Variants in OPA1 observed in about 807,000 individuals in gnomAD.
The protein encoded by OPA1 is dynamin-like GTPase OPA1, mitochondrial.
OPA1 carries 59 observed loss-of-function variants against 152.9 expected under a neutral mutation model. The ratio of observed to expected loss-of-function variants is 0.39; its 90% CI spans 0.31 to 0.48. The LOEUF is 0.48. Among genes scored for constraint, OPA1 ranks in the 20% least tolerant of loss-of-function variants. The probability of loss-of-function intolerance (pLI) is 0.96; values close to 1 mark genes in which losing one functional copy is unlikely to be tolerated. For missense variants in OPA1, 1,008 were observed against 1,216.8 expected (o/e 0.83, Z 2.55); for synonymous variants, 400 against 389.9 (o/e 1.03, Z -0.31).
At position 193,622,212 on chromosome 3, in the gene OPA1, A is replaced by T. The variant is rs928935960; in HGVS notation, c.678+3276A>T. ...ATACATTAATGTTCTTTCTTGCAAC[A>T]TATTACTCTCATTCTTTTTTTTTTT... On this transcript the variant is annotated intron_variant, in intron 6 of 30. Transcript: ENST00000361510. 7.4e-5 allele frequency among the ~76,000 whole-genome samples: 11 copies of T among 147,808 alleles called. No homozygotes were observed. In the South Asian group the frequency reaches 2.3e-3, roughly 32 times the overall value.
chr3:193,674,284 TG>T (rs1342032820), intron 29 of OPA1, among the ~76,000 whole-genome samples: 1 of 152,232 alleles, frequency 6.6e-6, no homozygotes, highest in Non-Finnish European at 1.5e-5. Flanking sequence ...TAGGTCTGCA[TG>T]AGATTCTAAA....
intron 23 of OPA1, among the ~76,000 whole-genome samples, chr3:193,658,256 AAAAAAAAAG>A (rs1457743577): frequency 7.2e-6 from 1 of 138,348 alleles, no homozygotes; most frequent in Admixed American, 6.9e-5. Context: ...CAAAAAAAAA[AAAAAAAAAG>A]AAAGAAAACC....
rs530262844 is a variant in OPA1, at chr3:193,623,722, G to C, written c.679-2370G>C. Among the ~76,000 whole-genome samples, 28 of 152,106 alleles carry C rather than the reference G, an allele frequency of 1.8e-4. No individual in the cohort carries two copies. In the Middle Eastern group the frequency reaches 0.02, roughly 111 times the overall value. On this transcript the variant is annotated intron_variant, in intron 6 of 30. Transcript: ENST00000361510. ...CTTGAAAGAAAAATGTCTAAGCTTGGGAAAATATTTATTGAAAAATGTGGT... is the reference window on the plus strand; with the variant it reads ...CTTGAAAGAAAAATGTCTAAGCTTGCGAAAATATTTATTGAAAAATGTGGT...
In OPA1 at chr3:193,663,035, TGTTA is replaced by T. The variant is rs1446103324; in HGVS notation, c.2661+79_2661+82del. On this transcript the variant is annotated intron_variant, in intron 26 of 30. Coordinates refer to ENST00000361510, the MANE Select transcript of OPA1 (RefSeq NM_130837.3). ...TTCTTGCAGTAAATGTTACTACATG[TGTTA>T]GTTAGATATTTAAGTGCTTAATTTG... 3.4e-5 allele frequency: 50 copies of T among 1,450,116 alleles called. No homozygotes were observed. In the South Asian group the frequency reaches 4.3e-4, roughly 12 times the overall value. The allele number at this position is 1,450,116 out of a possible 1,614,324, so 89.8% of individuals were successfully genotyped here.
At position 193,697,513 on chromosome 3, in the gene OPA1, A is replaced by T. The variant is rs1722352842; in HGVS notation, c.*2913A>T. ...CATTTGTGTAGATGAGTAATTAAAA[A>T]ATATTTAAATCACATTATAATTCTA... is the stretch of plus-strand genomic sequence containing the variant. On this transcript the variant is annotated 3_prime_UTR_variant, in exon 31 of 31. Coordinates refer to ENST00000361510, the MANE Select transcript of OPA1 (RefSeq NM_130837.3). The T allele has an allele frequency of 6.6e-6, 1 of 152,162 alleles. No homozygotes were observed. The highest frequency in any genetic ancestry group is 2.4e-5 in the African/African-American group (1 of 41,428). The allele number at this position is 152,162 out of a possible 1,614,324, so 9.4% of individuals were successfully genotyped here.
intron 10 of OPA1, among the ~76,000 whole-genome samples, chr3:193,637,670 T>C (rs1285703716): frequency 6.6e-6 from 1 of 152,190 alleles, no homozygotes; most frequent in Non-Finnish European, 1.5e-5. Context: ...GGAAAAGATT[T>C]ATGGAAAGTT....
chr3:193,665,667 T>C lies in OPA1; in HGVS notation c.2779-629T>C, dbSNP rs536928462. 2.6e-5 allele frequency among the ~76,000 whole-genome samples: 4 copies of C among 152,286 alleles called. No individual in the cohort carries two copies. The South Asian group carries it at 8.3e-4, about 32-fold the overall frequency. ...TCAGTTAATCAACAATCTTATTTAA[T>C]TGAGACTTCTAACATGCTGTTCTTT... On this transcript the variant is annotated intron_variant, in intron 27 of 30. Coordinates refer to ENST00000361510, the MANE Select transcript of OPA1 (RefSeq NM_130837.3).
intron 29 of OPA1, chr3:193,668,871 C>T: frequency 9.5e-7 from 1 of 1,056,188 alleles, no homozygotes; most frequent in Non-Finnish European, 1.2e-6. Flanking sequence ...TCTTTGAGAA[C>T]TCAAGGAAAT....
chr3:193,669,033 G>A (rs988513727), intron 29 of OPA1: 18 of 234,154 alleles, frequency 7.7e-5, no homozygotes, highest in African/African-American at 4.0e-4. Context: ...TGTCTTATTA[G>A]TTTTCTGATA....
At chr3:193,660,081 C>T (rs186038994) in intron 25 of OPA1, among the ~76,000 whole-genome samples, 148 of 151,908 alleles carry the variant, frequency 9.7e-4, no homozygotes, top group South Asian at 5.6e-3. Flanking sequence ...CCTGGGAGAT[C>T]GAAGCTGCAG....
At chr3:193,657,623 A>G (rs1156969900) in intron 23 of OPA1, among the ~76,000 whole-genome samples, 2 of 152,226 alleles carry the variant, frequency 1.3e-5, no homozygotes, top group Admixed American at 6.5e-5. Flanking sequence ...GCCTAAAATC[A>G]TAACACCAGC....
intron 29 of OPA1, chr3:193,689,234 G>T (rs914368726): frequency 6.6e-6 from 1 of 152,132 alleles, no homozygotes; most frequent in African/African-American, 2.4e-5. Flanking sequence ...AAAGAACAAA[G>T]AAATAAATGT....
chr3:193,685,677 T>C (rs888852896), intron 29 of OPA1, among the ~76,000 whole-genome samples: 2 of 152,180 alleles, frequency 1.3e-5, no homozygotes, highest in African/African-American at 4.8e-5. Flanking sequence ...CCAAAATGAA[T>C]TATGAAGCCC....
At chr3:193,609,105 G>A (rs371295139) in intron 1 of OPA1, among the ~76,000 whole-genome samples, 9 of 152,124 alleles carry the variant, frequency 5.9e-5, no homozygotes, top group South Asian at 2.1e-4. Context: ...GACTCTGCAC[G>A]TGAGATGGGT....
At chr3:193,684,231 A>T (rs541266505) in intron 29 of OPA1, among the ~76,000 whole-genome samples, 24 of 152,296 alleles carry the variant, frequency 1.6e-4, no homozygotes, top group African/African-American at 5.8e-4. Context: ...GTTCTAGGGA[A>T]AATATGATGC....
Position 193,635,539 on chromosome 3 carries a change from T to A in OPA1, c.948+17T>A, listed in dbSNP as rs1453897981. 6 of 1,470,466 alleles carry A rather than the reference T, an allele frequency of 4.1e-6. No homozygotes were observed. The highest frequency in any genetic ancestry group is 2.3e-5 in the South Asian group (2 of 88,258). The allele number at this position is 1,470,466 out of a possible 1,614,324, so 91.1% of individuals were successfully genotyped here. On this transcript the variant is annotated intron_variant, in intron 9 of 30. Coordinates refer to ENST00000361510, the MANE Select transcript of OPA1 (RefSeq NM_130837.3). The stretch of plus-strand genomic sequence containing the variant: ...AAGCTTAAGGTATTCTAAGTTTGTC[T>A]TGTTTATTCTCAAAATTTTACCGCT...
At chr3:193,671,701 AT>A (rs1442509975) in intron 29 of OPA1, among the ~76,000 whole-genome samples, 2 of 152,254 alleles carry the variant, frequency 1.3e-5, no homozygotes, top group Non-Finnish European at 2.9e-5. Context: ...CAGGAGAAAT[AT>A]GATCTTTGTA....
chr3:193,603,429 C>T (rs896692035), intron 1 of OPA1: 3 of 152,200 alleles, frequency 2.0e-5, no homozygotes, highest in African/African-American at 7.2e-5. Context: ...TAAAGCATTT[C>T]ACTGATATTT....
intron 28 of OPA1, 86 bp downstream of exon 28, chr3:193,666,475 A>G: frequency 1.8e-6 from 2 of 1,087,796 alleles, no homozygotes; most frequent in Non-Finnish European, 2.8e-6. Context: ...ATGCCAAAAT[A>G]CTTCCCAAAA....
Sources: gnomAD v4.1 joint callset for allele counts (sites outside exome capture counted in the v4.1 genomes callset) on GRCh38, gnomAD v4.1.1 for gene constraint, MANE v1.5 for transcripts, NCBI Gene and HGNC (gene_info 2026-07-23, HGNC 2026-07-21) for gene names.